MOXD1: variants seen among roughly 807,000 people sequenced by gnomAD.
MOXD1 encodes the protein monooxygenase DBH like 1.
Under a neutral mutation model 66.6 loss-of-function variants are expected in MOXD1, and 62 were observed. The ratio of observed to expected loss-of-function variants is 0.93; its 90% CI spans 0.76 to 1.15. The LOEUF (loss-of-function observed/expected upper bound fraction) is 1.15, where lower values mean the gene tolerates loss of function less well. MOXD1 is among the 50% of genes most tolerant of loss of function. The pLI is 0.00. For missense variants in MOXD1, 847 were observed against 754.6 expected (o/e 1.12, Z -1.44); for synonymous variants, 303 against 281.9 (o/e 1.07, Z -0.75).
At chr6:132,329,618 G>A (rs1202712023) in intron 4 of MOXD1, among the ~76,000 whole-genome samples, 1 of 151,760 alleles carries the variant, frequency 6.6e-6, no homozygotes, top group Non-Finnish European at 1.5e-5. Context: ...AGAAGGCTAG[G>A]GCTCAATCAT....
chr6:132,343,299 G>T (rs1305466198), intron 4 of MOXD1, among the ~76,000 whole-genome samples: 1 of 152,170 alleles, frequency 6.6e-6, no homozygotes, highest in Non-Finnish European at 1.5e-5. Flanking sequence ...GGAAGTCTGG[G>T]CACAGTGGCT....
chr6:132,320,394 G>A (rs2114566710), intron 9 of MOXD1, among the ~76,000 whole-genome samples: 1 of 152,270 alleles, frequency 6.6e-6, no homozygotes, highest in African/African-American at 2.4e-5. Context: ...AGCTTTTCAT[G>A]AAGGAGTCAA....
chr6:132,299,233 A>G (rs1432771493), intron 10 of MOXD1, among the ~76,000 whole-genome samples: 1 of 152,174 alleles, frequency 6.6e-6, no homozygotes, highest in East Asian at 1.9e-4. Context: ...TTGAATACAC[A>G]TAGACATAAA....
intron 4 of MOXD1, among the ~76,000 whole-genome samples, chr6:132,367,983 C>CT (rs1776180587): frequency 6.6e-6 from 1 of 151,862 alleles, no homozygotes; most frequent in Non-Finnish European, 1.5e-5. Context: ...GGCTGTTTTT[C>CT]TTTTTTTCTC....
Position 132,323,824 on chromosome 6 carries a change from C to T in MOXD1, c.1113+107G>A, listed in dbSNP as rs1775129454. The T allele has an allele frequency of 4.8e-6, 6 of 1,259,892 alleles. No homozygotes were observed. The South Asian group carries it at 1.1e-4, about 23-fold the overall frequency. The allele number at this position is 1,259,892 out of a possible 1,614,324, so 78.0% of individuals were successfully genotyped here. ...TTGCGATAAGGGTTTCACAGTGTGTCAACAAGAAAGGAATCGATAATAAAC... is the reference window on the plus strand; with the variant it reads ...TTGCGATAAGGGTTTCACAGTGTGTTAACAAGAAAGGAATCGATAATAAAC... On this transcript the variant is annotated intron_variant, in intron 7 of 11. Coordinates refer to ENST00000367963, the MANE Select transcript of MOXD1 (RefSeq NM_015529.4).
intron 4 of MOXD1, among the ~76,000 whole-genome samples, chr6:132,361,079 C>T (rs576534260): frequency 1.7e-4 from 26 of 152,266 alleles, no homozygotes; most frequent in Admixed American, 1.6e-3. Flanking sequence ...AAAGATCTCT[C>T]TTTATTGGTA....
Position 132,401,187 on chromosome 6 carries a change from C to T in MOXD1, c.240G>A (p.Val80=). Residue 80 remains valine, a synonymous_variant, in exon 1 of 12, where the codon GTG becomes GTA. Transcript: ENST00000367963. ...MASADIVVGG[V]AHGRPYLQDY... Reference sequence around the variant, plus strand: ...CCTGGAGGTAGGGCCGCCCGTGGGCCACCCCGCCCACGACGATGTCGGCGG... The same window carrying T: ...CCTGGAGGTAGGGCCGCCCGTGGGCTACCCCGCCCACGACGATGTCGGCGG... 6.5e-7 allele frequency: 1 copy of T among 1,540,232 alleles called. No individual in the cohort carries two copies. Among genetic ancestry groups the T allele is most frequent in the Non-Finnish European group, 8.7e-7 (1 of 1,150,944 alleles).
chr6:132,333,480 T>C (rs1390951269), intron 4 of MOXD1, among the ~76,000 whole-genome samples: 1 of 152,176 alleles, frequency 6.6e-6, no homozygotes, highest in Non-Finnish European at 1.5e-5. Context: ...TTCAAAAATA[T>C]TAAAATTGTA....
rs1292604388 is a variant in MOXD1, at chr6:132,386,028, A to G, written c.265-11251T>C. ...TGCGGCAGGAGAATGGCGTGAACCCAGGAGGCGTAGCTTGCAGTGAGCCGA... is the reference window on the plus strand; with the variant it reads ...TGCGGCAGGAGAATGGCGTGAACCCGGGAGGCGTAGCTTGCAGTGAGCCGA... On this transcript the variant is annotated intron_variant, in intron 1 of 11. Transcript: ENST00000367963. Among the ~76,000 whole-genome samples the G allele has an allele frequency of 2.0e-3, 269 of 132,694 alleles. No individual in the cohort carries two copies. In the Middle Eastern group the frequency reaches 0.028, roughly 14 times the overall value. The allele number at this position is 132,694 out of a possible 152,430, so 87.1% of individuals were successfully genotyped here.
chr6:132,379,476 C>T (rs942381953), intron 1 of MOXD1, among the ~76,000 whole-genome samples: 3 of 152,160 alleles, frequency 2.0e-5, no homozygotes, highest in South Asian at 2.1e-4. Context: ...ACATTCTCCA[C>T]GTGGAAAGCC....
At chr6:132,380,454 A>G (rs900035053) in intron 1 of MOXD1, among the ~76,000 whole-genome samples, 2 of 152,166 alleles carry the variant, frequency 1.3e-5, no homozygotes, top group African/African-American at 4.8e-5. Flanking sequence ...CAACTAAGAT[A>G]TCTTCTCCAC....
chr6:132,399,487 T>C (rs1776972018), intron 1 of MOXD1, among the ~76,000 whole-genome samples: 1 of 152,216 alleles, frequency 6.6e-6, no homozygotes, highest in Non-Finnish European at 1.5e-5. Context: ...GCAATCTCTA[T>C]GAAGAACCAC....
At chr6:132,397,739 C>T (rs191006710) in intron 1 of MOXD1, among the ~76,000 whole-genome samples, 1 of 151,762 alleles carries the variant, frequency 6.6e-6, no homozygotes, top group African/African-American at 2.4e-5. Context: ...TGTCTTCTCT[C>T]AAAATAAAAG....
At chr6:132,297,417 G>C in intron 11 of MOXD1, 100 bp from the exon 12 acceptor site, 1 of 1,250,084 alleles carries the variant, frequency 8.0e-7, no homozygotes, top group Non-Finnish European at 1.1e-6. Context: ...GGATAAAGGG[G>C]GCAGGAGTGG....
intron 7 of MOXD1, 76 bp downstream of exon 7, chr6:132,323,855 C>T (rs188837948): frequency 8.5e-6 from 12 of 1,404,780 alleles, no homozygotes; most frequent in South Asian, 3.1e-5. Flanking sequence ...TAAACATGTG[C>T]GGAATTTTTC....
At chr6:132,359,494 T>C (rs931029642) in intron 4 of MOXD1, among the ~76,000 whole-genome samples, 25 of 148,926 alleles carry the variant, frequency 1.7e-4, no homozygotes, top group Admixed American at 1.1e-3. Context: ...TTTTCTTTTT[T>C]TTTTTTTTTT....
chr6:132,388,911 T>C (rs981850221), intron 1 of MOXD1, among the ~76,000 whole-genome samples: 11 of 151,388 alleles, frequency 7.3e-5, no homozygotes, highest in Non-Finnish European at 1.5e-4. Context: ...CAGCAGCTGG[T>C]ACCGGTTGAC....
At chr6:132,396,544 AAAC>A (rs1008737058) in intron 1 of MOXD1, among the ~76,000 whole-genome samples, 9 of 117,968 alleles carry the variant, frequency 7.6e-5, no homozygotes, top group African/African-American at 3.8e-4. Context: ...GAGCAACACT[AAAC>A]AAAACAGAGA....
intron 6 of MOXD1, among the ~76,000 whole-genome samples, chr6:132,326,551 A>C (rs1246817300): frequency 6.6e-6 from 1 of 152,104 alleles, no homozygotes; most frequent in Non-Finnish European, 1.5e-5. Context: ...AAAAGTTGCA[A>C]TATAAGACAT....
Sources: allele counts gnomAD v4.1 joint callset (sites outside exome capture counted in the v4.1 genomes callset), GRCh38; gene constraint gnomAD v4.1.1; transcripts MANE v1.5; gene names NCBI Gene and HGNC (gene_info 2026-07-23, HGNC 2026-07-21).